ATE1: variants seen among roughly 807,000 people sequenced by gnomAD.
ATE1 encodes the protein arginyltransferase 1, also known as arginyl-tRNA--protein transferase 1.
Under a neutral mutation model 70.5 loss-of-function variants are expected in ATE1, and 36 were observed. That is an observed-to-expected ratio of 0.51 (90% CI 0.39 to 0.67). ATE1 has a LOEUF of 0.67. ATE1 is among the 30% of genes least tolerant of loss of function. The pLI is 0.00. For missense variants in ATE1, 593 were observed against 629.5 expected, an observed-to-expected ratio of 0.94 and a Z score of 0.62; for synonymous variants, 232 against 219.3, an observed-to-expected ratio of 1.06 and a Z score of -0.51.
chr10:121,747,301 C>T (rs1944409051), intron 11 of ATE1, among the ~76,000 whole-genome samples: 1 of 152,182 alleles, frequency 6.6e-6, no homozygotes, highest in African/African-American at 2.4e-5. Context: ...CGCCTGCTTG[C>T]CCTCAGCTCC....
intron 10 of ATE1, among the ~76,000 whole-genome samples, chr10:121,808,545 G>A (rs1382187059): frequency 6.6e-6 from 1 of 152,182 alleles, no homozygotes; most frequent in Non-Finnish European, 1.5e-5. Flanking sequence ...CCACTCATAT[G>A]CAAAGATTAA....
chr10:121,784,830 C>T (rs968132602), intron 11 of ATE1, among the ~76,000 whole-genome samples: 2 of 151,988 alleles, frequency 1.3e-5, no homozygotes, highest in East Asian at 1.9e-4. Context: ...CTGCACTCCA[C>T]CCTGGGTGAC....
intron 8 of ATE1, among the ~76,000 whole-genome samples, chr10:121,865,614 A>G (rs1390616953): frequency 6.6e-6 from 1 of 152,232 alleles, no homozygotes; most frequent in Non-Finnish European, 1.5e-5. Flanking sequence ...GTGTAAGCCT[A>G]GCAGGGGAGT....
At chr10:121,802,019 T>C (rs1946901803) in intron 10 of ATE1, among the ~76,000 whole-genome samples, 1 of 152,044 alleles carries the variant, frequency 6.6e-6, no homozygotes, top group Non-Finnish European at 1.5e-5. Flanking sequence ...AATTCATGAA[T>C]GCTCTTAAAT....
At chr10:121,754,335 T>C (rs1273255402) in intron 11 of ATE1, among the ~76,000 whole-genome samples, 1 of 152,148 alleles carries the variant, frequency 6.6e-6, no homozygotes, top group South Asian at 2.1e-4. Context: ...AGAGAAAGTA[T>C]AAGATGAGTC....
intron 7 of ATE1, among the ~76,000 whole-genome samples, chr10:121,883,535 A>G (rs1950288743): frequency 1.3e-5 from 2 of 152,232 alleles, no homozygotes; most frequent in Admixed American, 1.3e-4. Flanking sequence ...AAATACGACA[A>G]GAGCAGAAGA....
Position 121,910,984 on chromosome 10 carries a change from ACTGAAGTAATTC to A in ATE1, c.493_504del (p.Glu165_Gln168del). On this transcript the variant is annotated inframe_deletion, in exon 5 of 12. Coordinates refer to ENST00000224652, the MANE Select transcript of ATE1 (RefSeq NM_001001976.3). ...AACTTCTCTCCTACGAAATCTTGTG[ACTGAAGTAATTC>A]CTGAGGTTCTTCTTTCTTTGAATTT... 1 of 1,614,120 alleles carries A rather than the reference ACTGAAGTAATTC, an allele frequency of 6.2e-7. No homozygotes were observed. The highest frequency in any genetic ancestry group is 8.5e-7 in the Non-Finnish European group (1 of 1,180,030).
intron 10 of ATE1, among the ~76,000 whole-genome samples, chr10:121,824,185 A>C (rs924277027): frequency 6.6e-6 from 1 of 152,194 alleles, no homozygotes; most frequent in Admixed American, 6.5e-5. Flanking sequence ...ACTACGTCTA[A>C]TTCACAGGAC....
intron 8 of ATE1, among the ~76,000 whole-genome samples, chr10:121,862,345 T>C (rs1045547054): frequency 1.3e-5 from 2 of 151,958 alleles, no homozygotes; most frequent in Non-Finnish European, 2.9e-5. Flanking sequence ...CAATGATACT[T>C]CTTACGTTGA....
intron 6 of ATE1, among the ~76,000 whole-genome samples, chr10:121,900,897 G>C (rs1198644090): frequency 1.3e-5 from 2 of 152,154 alleles, no homozygotes; most frequent in Non-Finnish European, 2.9e-5. Flanking sequence ...ATTTTAAGTA[G>C]TGTATTCAAC....
chr10:121,890,205 A>G (rs535751319), intron 7 of ATE1, among the ~76,000 whole-genome samples: 1 of 152,358 alleles, frequency 6.6e-6, no homozygotes, highest in African/African-American at 2.4e-5. Flanking sequence ...ATCTAAAACG[A>G]TATCACAAAA....
At position 121,912,805 on chromosome 10, in the gene ATE1, C is replaced by A. The variant is rs539262145; in HGVS notation, c.337+985G>T. Among the ~76,000 whole-genome samples, 11 of 150,272 alleles carry A rather than the reference C, an allele frequency of 7.3e-5. No homozygotes were observed. In the East Asian group the frequency reaches 2.2e-3, roughly 30 times the overall value. Reference sequence around the variant, plus strand: ...TGTCACCTAGGCTGGAGTGCAGTGGCAGGATCTTGGCTCACTGCAGCCTTG... The same window carrying A: ...TGTCACCTAGGCTGGAGTGCAGTGGAAGGATCTTGGCTCACTGCAGCCTTG... On this transcript the variant is annotated intron_variant, in intron 4 of 11. Transcript: ENST00000224652.
rs570346483 is a variant in ATE1 at position 121,841,082 on chromosome 10, C to T, written c.1157G>A (p.Arg386Gln). ...FLSLGVYSAL[R>Q]EIAFTRQLHE... ...CAATAACGGCAAAAAGCAATCTTAC[C>T]GTAGTGCAGAGTAGACGCCCAAAGA... Residue 386 changes from arginine (R) to glutamine (Q), a missense_variant and splice_region_variant, in exon 9 of 12, where the codon CGA becomes CAA. Physicochemically the swap from Arg to Gln is conservative, Grantham distance 43 (BLOSUM62 1). Transcript: ENST00000224652. 4.6e-6 allele frequency: 7 copies of T among 1,529,688 alleles called. No individual in the cohort carries two copies. Among genetic ancestry groups the T allele is most frequent in the African/African-American group, 2.7e-5 (2 of 72,752 alleles). The allele number at this position is 1,529,688 out of a possible 1,614,324, so 94.8% of individuals were successfully genotyped here.
intron 5 of ATE1, among the ~76,000 whole-genome samples, chr10:121,906,728 A>G (rs967186217): frequency 2.6e-5 from 4 of 151,922 alleles, no homozygotes; most frequent in African/African-American, 9.7e-5. Flanking sequence ...CCTCCTGAGG[A>G]GCAGGGATTT....
chr10:121,819,811 G>A (rs1273158063), intron 10 of ATE1, among the ~76,000 whole-genome samples: 1 of 148,966 alleles, frequency 6.7e-6, no homozygotes, highest in African/African-American at 2.5e-5. Context: ...GCTGTTCCCC[G>A]CCCCCCAACA....
At chr10:121,773,435 A>G (rs1330158967) in intron 11 of ATE1, among the ~76,000 whole-genome samples, 4 of 152,330 alleles carry the variant, frequency 2.6e-5, no homozygotes, top group South Asian at 4.1e-4. Context: ...GTTTTGTTCC[A>G]GGCCCATCTT....
chr10:121,904,275 C>T (rs578150635), intron 5 of ATE1, among the ~76,000 whole-genome samples: 1 of 151,960 alleles, frequency 6.6e-6, no homozygotes, highest in South Asian at 2.1e-4. Flanking sequence ...AGCCACCGCA[C>T]CTGGCCGAAT....
At chr10:121,843,452 TAG>T (rs1948704681) in intron 8 of ATE1, among the ~76,000 whole-genome samples, 1 of 152,168 alleles carries the variant, frequency 6.6e-6, no homozygotes, top group Non-Finnish European at 1.5e-5. Context: ...AAAGTTTATG[TAG>T]AGACAAAAGT....
At chr10:121,927,178 AAAAAC>A (rs1339432845) in intron 1 of ATE1, 2 of 985,318 alleles carry the variant, frequency 2.0e-6, no homozygotes, top group Non-Finnish European at 1.2e-6. Flanking sequence ...ATCACGATGG[AAAAAC>A]AAAACAAACT....
Sources: gnomAD v4.1 joint callset for allele counts (sites outside exome capture counted in the v4.1 genomes callset) on GRCh38, gnomAD v4.1.1 for gene constraint, MANE v1.5 for transcripts, NCBI Gene and HGNC (gene_info 2026-07-23, HGNC 2026-07-21) for gene names.